PDE4D: variants seen among roughly 807,000 people sequenced by gnomAD.
PDE4D encodes phosphodiesterase 4D.
In PDE4D, 24 loss-of-function variants were observed where a neutral mutation model predicts 87.4. The ratio of observed to expected loss-of-function variants is 0.27; its 90% confidence interval spans 0.20 to 0.39. The LOEUF (loss-of-function observed/expected upper bound fraction) is 0.39. Ranked by LOEUF, PDE4D falls within the 10% of genes least tolerant of loss-of-function variation. The pLI is 1.00. For missense variants in PDE4D, 714 were observed against 1,041.0 expected, an observed-to-expected ratio of 0.69 and a Z score of 4.32; for synonymous variants, 384 against 383.2, an observed-to-expected ratio of 1.00 and a Z score of -0.02.
intron 1 of PDE4D, among the ~76,000 whole-genome samples, chr5:60,240,644 T>A (rs1746999641): frequency 6.6e-6 from 1 of 152,116 alleles, no homozygotes; most frequent in Non-Finnish European, 1.5e-5. Context: ...CACGCTTCTG[T>A]CACCCCACCC....
At chr5:60,110,812 T>G (rs1463340878) in intron 2 of PDE4D, among the ~76,000 whole-genome samples, 1 of 152,120 alleles carries the variant, frequency 6.6e-6, no homozygotes, top group African/African-American at 2.4e-5. Context: ...AATGAAATAC[T>G]ATTCAGCCAC....
intron 5 of PDE4D, among the ~76,000 whole-genome samples, chr5:59,163,136 G>A (rs1244091372): frequency 6.7e-6 from 1 of 150,298 alleles, no homozygotes; most frequent in African/African-American, 2.5e-5. Flanking sequence ...GTAGAGACGG[G>A]GGTTTCACCA....
At chr5:59,381,241 T>C (rs13171057) in intron 1 of PDE4D, among the ~76,000 whole-genome samples, 398 of 152,328 alleles carry the variant, frequency 2.6e-3, no homozygotes, top group Non-Finnish European at 4.1e-3. Flanking sequence ...TTTTTATTTT[T>C]CTAATATTTA....
chr5:59,784,172 C>T (rs1764909247), intron 1 of PDE4D, among the ~76,000 whole-genome samples: 1 of 151,906 alleles, frequency 6.6e-6, no homozygotes, highest in Admixed American at 6.6e-5. Flanking sequence ...GAGGAGTTCC[C>T]TCCCATAACC....
chr5:59,583,367 A>G (rs1299260451), intron 1 of PDE4D, among the ~76,000 whole-genome samples: 1 of 152,158 alleles, frequency 6.6e-6, no homozygotes, highest in African/African-American at 2.4e-5. Flanking sequence ...CAACCATGCC[A>G]TACTTGTTCC....
At chr5:60,111,389 C>T (rs1777670638) in intron 2 of PDE4D, among the ~76,000 whole-genome samples, 1 of 151,918 alleles carries the variant, frequency 6.6e-6, no homozygotes, top group African/African-American at 2.4e-5. Flanking sequence ...GTACTGAGCA[C>T]AATGATCCCC....
At chr5:59,052,333 C>T (rs547370490) in intron 5 of PDE4D, among the ~76,000 whole-genome samples, 15 of 152,226 alleles carry the variant, frequency 9.9e-5, no homozygotes, top group African/African-American at 3.4e-4. Context: ...TAGGAAATGT[C>T]TGCAGCCTGA....
chr5:59,113,518 A>G (rs886884936), intron 5 of PDE4D, among the ~76,000 whole-genome samples: 1 of 152,202 alleles, frequency 6.6e-6, no homozygotes, highest in Non-Finnish European at 1.5e-5. Flanking sequence ...CATCTTAGAA[A>G]TTGTGTCTTT....
intron 1 of PDE4D, among the ~76,000 whole-genome samples, chr5:59,481,883 G>A (rs571799335): frequency 6.6e-5 from 10 of 151,894 alleles, no homozygotes; most frequent in East Asian, 5.8e-4. Context: ...TATGCCGTAA[G>A]ATATTAGTAA....
intron 5 of PDE4D, among the ~76,000 whole-genome samples, chr5:59,101,008 T>G (rs770559879): frequency 2.6e-5 from 4 of 152,186 alleles, no homozygotes; most frequent in Non-Finnish European, 5.9e-5. Flanking sequence ...CAGTGAACAA[T>G]GGTCCTGTCC....
chr5:60,402,116 A>G (rs1220489517), intron 1 of PDE4D, among the ~76,000 whole-genome samples: 1 of 152,236 alleles, frequency 6.6e-6, no homozygotes, highest in Non-Finnish European at 1.5e-5. Flanking sequence ...AGATGGGGCC[A>G]CTGGTGGTGA....
At chr5:59,929,643 TG>T (rs1327406464) in intron 3 of PDE4D, among the ~76,000 whole-genome samples, 4 of 152,172 alleles carry the variant, frequency 2.6e-5, no homozygotes, top group African/African-American at 7.2e-5. Context: ...CACAGGCACT[TG>T]GTTAATAAAG....
intron 2 of PDE4D, among the ~76,000 whole-genome samples, chr5:59,992,644 A>T (rs1198691443): frequency 6.6e-6 from 1 of 152,206 alleles, no homozygotes; most frequent in Non-Finnish European, 1.5e-5. Context: ...TGCTTTATAT[A>T]ACTGAGGTTA....
chr5:59,876,028 G>T (rs1277130539), intron 1 of PDE4D, among the ~76,000 whole-genome samples: 1 of 152,098 alleles, frequency 6.6e-6, no homozygotes, highest in African/African-American at 2.4e-5. Context: ...TAATACCTGG[G>T]TGATGAAATA....
chr5:59,991,136 T>C (rs1762963857), intron 2 of PDE4D, among the ~76,000 whole-genome samples: 1 of 152,090 alleles, frequency 6.6e-6, no homozygotes, highest in South Asian at 2.1e-4. Flanking sequence ...ACATTAGAAA[T>C]GAATGACAAT....
intron 1 of PDE4D, among the ~76,000 whole-genome samples, chr5:60,310,532 C>T (rs868224260): frequency 1.3e-5 from 2 of 152,198 alleles, no homozygotes; most frequent in African/African-American, 2.4e-5. Flanking sequence ...AAAAGCCTCA[C>T]TTTCCTTCCA....
At chr5:59,021,634 G>C (rs1078369) in intron 6 of PDE4D, among the ~76,000 whole-genome samples, 15,032 of 152,060 alleles carry the variant, frequency 0.099, 1,016 homozygotes, top group Non-Finnish European at 0.13. Flanking sequence ...TGTTAGTCCT[G>C]ATTTACAGGG....
intron 1 of PDE4D, among the ~76,000 whole-genome samples, chr5:60,321,018 C>T (rs570568857): frequency 1.3e-5 from 2 of 152,266 alleles, no homozygotes; most frequent in East Asian, 3.9e-4. Flanking sequence ...GTCAAACTAC[C>T]AATGACATTT....
chr5:59,769,012 G>T (rs1763170978), intron 1 of PDE4D, among the ~76,000 whole-genome samples: 1 of 151,910 alleles, frequency 6.6e-6, no homozygotes, highest in Non-Finnish European at 1.5e-5. Context: ...CTCCCGCAGG[G>T]CTATTTATCT....
Sources: allele counts gnomAD v4.1 joint callset (sites outside exome capture counted in the v4.1 genomes callset), GRCh38; gene constraint gnomAD v4.1.1; transcripts MANE v1.5; gene names NCBI Gene and HGNC (gene_info 2026-07-23, HGNC 2026-07-21).